The following ZP3 variants were observed in gnomAD, a reference collection of about 807,000 sequenced individuals.
The protein encoded by ZP3 is zona pellucida sperm-binding protein 3.
A neutral mutation model predicts 35.6 loss-of-function variants in ZP3; 21 were observed. The ratio of observed to expected loss-of-function variants is 0.59; its 90% CI spans 0.42 to 0.85. ZP3 has a LOEUF of 0.85. Among genes scored for constraint, ZP3 ranks in the 40% least tolerant of loss-of-function variants. The probability of loss-of-function intolerance (pLI) is 0.00; values close to 1 mark genes in which losing one functional copy is unlikely to be tolerated. For missense variants in ZP3, 437 were observed against 536.5 expected, an observed-to-expected ratio of 0.81 and a Z score of 1.83; for synonymous variants, 207 against 214.5, an observed-to-expected ratio of 0.96 and a Z score of 0.31.
At chr7:76,412,281 A>G (rs541813046) in intron 1 of ZP3, among the ~76,000 whole-genome samples, 1 of 152,202 alleles carries the variant, frequency 6.6e-6, no homozygotes, top group East Asian at 1.9e-4. Flanking sequence ...TATAATGAGT[A>G]AAAAAAGCTA....
At chr7:76,408,254 C>A (rs1479953078) in intron 1 of ZP3, among the ~76,000 whole-genome samples, 1 of 152,044 alleles carries the variant, frequency 6.6e-6, no homozygotes, top group East Asian at 1.9e-4. Context: ...AGATGAAAGC[C>A]TATCTGGATG....
chr7:76,401,828 A>G (rs74359669), intron 1 of ZP3, among the ~76,000 whole-genome samples: 27,725 of 152,082 alleles, frequency 0.18, 2,767 homozygotes, highest in South Asian at 0.25. Context: ...CCACATACCC[A>G]GGCCTCTTTC....
At chr7:76,424,048 C>T (rs955379635), upstream of ZP3, among the ~76,000 whole-genome samples, 3 of 152,194 alleles carry the variant, frequency 2.0e-5, no homozygotes, top group East Asian at 5.8e-4. Flanking sequence ...AAGGCAGAGA[C>T]CCATGAAATT....
chr7:76,414,050 G>T (rs1416996769), intron 1 of ZP3, among the ~76,000 whole-genome samples: 1 of 147,992 alleles, frequency 6.8e-6, no homozygotes, highest in African/African-American at 2.5e-5. Flanking sequence ...AGGCTGGAGT[G>T]CAGTGGCGTG....
At chr7:76,432,769 C>T (rs1443778292) in intron 2 of ZP3, among the ~76,000 whole-genome samples, 158 bp from the exon 3 acceptor site, 2 of 152,216 alleles carry the variant, frequency 1.3e-5, no homozygotes, top group Non-Finnish European at 2.9e-5. Context: ...GGGGCAGCCT[C>T]AGGCTCAAGG....
chr7:76,433,483 TGAG>T lies in ZP3; in HGVS notation c.550_552del (p.Glu184del). 6.2e-7 allele frequency: 1 copy of T among 1,613,330 alleles called. No individual in the cohort carries two copies. The highest frequency in any genetic ancestry group is 2.2e-5 in the East Asian group (1 of 44,838). ...TGTGTCTTTCAGAGAACTGGAACGC[TGAG>T]AAGAGGTCCCCCACCTTCCACCTGG... is the stretch of plus-strand genomic sequence containing the variant. On this transcript the variant is annotated inframe_deletion, in exon 4 of 8. Transcript: ENST00000394857.
Position 76,425,003 on chromosome 7 carries a change from C to T in ZP3, c.39C>T (p.Leu13=). Residue 13 remains leucine (L), a synonymous_variant, in exon 1 of 8, where the codon CTC becomes CTT. Coordinates refer to ENST00000394857, the MANE Select transcript of ZP3 (RefSeq NM_001110354.2). ...LSYRLFICLL[L]WGSTELCYPQ... is the part of the protein sequence containing the mutation. The stretch of plus-strand genomic sequence containing the variant: ...ATAGGCTCTTCATCTGCCTCCTGCT[C>T]TGGGGTAGTACTGAGCTGTGCTACC... The T allele has an allele frequency of 1.3e-6, 2 of 1,565,184 alleles. No individual in the cohort carries two copies. The highest frequency in any genetic ancestry group is 1.2e-5 in the South Asian group (1 of 86,280).
At chr7:76,440,026 T>C (rs1193330052) in intron 5 of ZP3, 13 of 535,550 alleles carry the variant, frequency 2.4e-5, no homozygotes, top group Admixed American at 9.7e-5. Context: ...TTTGTATTTT[T>C]AGTAGCGATG....
upstream of ZP3, among the ~76,000 whole-genome samples, chr7:76,420,282 C>T (rs574964210): frequency 3.3e-5 from 5 of 152,130 alleles, no homozygotes; most frequent in East Asian, 1.9e-4. Flanking sequence ...CTCCCAAAAT[C>T]GTGTGCTGGG....
chr7:76,423,007 A>AGAGAGAGAG (rs1805544024), upstream of ZP3, among the ~76,000 whole-genome samples: 2 of 76,112 alleles, frequency 2.6e-5, no homozygotes, highest in African/African-American at 1.2e-4. Context: ...AAAAGAAAGA[A>AGAGAGAGAG]AGAGAGAGAG....
chr7:76,437,856 G>C (rs1806071318), intron 5 of ZP3, among the ~76,000 whole-genome samples: 1 of 152,182 alleles, frequency 6.6e-6, no homozygotes, highest in Non-Finnish European at 1.5e-5. Context: ...TTAGACTCCA[G>C]TTAGCACCAG....
intron 5 of ZP3, among the ~76,000 whole-genome samples, chr7:76,439,690 G>A (rs1474254565): frequency 6.6e-6 from 1 of 152,132 alleles, no homozygotes; most frequent in African/African-American, 2.4e-5. Context: ...TGGGTGACAG[G>A]CCCTGTCTCA....
At chr7:76,406,025 G>A (rs1027009344) in intron 1 of ZP3, among the ~76,000 whole-genome samples, 8 of 147,520 alleles carry the variant, frequency 5.4e-5, no homozygotes, top group South Asian at 2.1e-4. Flanking sequence ...TCGCTCTGTC[G>A]TCCAGGCTGG....
chr7:76,431,014 C>A (rs1007439770), intron 2 of ZP3, among the ~76,000 whole-genome samples: 1 of 152,212 alleles, frequency 6.6e-6, no homozygotes, highest in Non-Finnish European at 1.5e-5. Context: ...AGCCTCACCA[C>A]AGGTGCCCCT....
chr7:76,433,127 G>C, intron 3 of ZP3, 97 bp downstream of exon 3: 1 of 617,994 alleles, frequency 1.6e-6, no homozygotes, highest in Non-Finnish European at 2.8e-6. Flanking sequence ...GTTTGGTTTT[G>C]GTTTTGGTTG....
intron 1 of ZP3, chr7:76,404,586 G>T: frequency 1.6e-6 from 2 of 1,232,784 alleles, no homozygotes; most frequent in Non-Finnish European, 1.2e-6. Flanking sequence ...GCACCCAGGG[G>T]TTTGAGATCA....
chr7:76,398,469 T>A (rs1484373830), intron 1 of ZP3, among the ~76,000 whole-genome samples: 5 of 152,052 alleles, frequency 3.3e-5, no homozygotes, highest in Admixed American at 1.3e-4. Context: ...CACGCCTGGC[T>A]AATTTTTGTA....
chr7:76,413,759 G>A (rs969983732), intron 1 of ZP3, among the ~76,000 whole-genome samples: 1 of 150,056 alleles, frequency 6.7e-6, no homozygotes, highest in East Asian at 2.0e-4. Flanking sequence ...TGCGAACTCT[G>A]AGGTTGAAGT....
At chr7:76,408,525 C>T (rs1344025922) in intron 1 of ZP3, among the ~76,000 whole-genome samples, 1 of 152,154 alleles carries the variant, frequency 6.6e-6, no homozygotes, top group Non-Finnish European at 1.5e-5. Flanking sequence ...CAGATCAGCC[C>T]CCACCCTGGG....
Sources: gnomAD v4.1 joint callset for allele counts (sites outside exome capture counted in the v4.1 genomes callset) on GRCh38, gnomAD v4.1.1 for gene constraint, MANE v1.5 for transcripts, NCBI Gene and HGNC (gene_info 2026-07-23, HGNC 2026-07-21) for gene names.